The following HPCA variants were observed in gnomAD, a reference collection of about 807,000 sequenced individuals.
HPCA encodes the protein hippocalcin.
A neutral mutation model predicts 18.2 loss-of-function variants in HPCA; 4 were observed. That is an observed-to-expected ratio of 0.22 (90% CI 0.11 to 0.50). The LOEUF (loss-of-function observed/expected upper bound fraction) is 0.50. HPCA is among the 20% of genes least tolerant of loss of function. The pLI, the probability that HPCA is intolerant of heterozygous loss-of-function variation, is 0.97. For missense variants in HPCA, 161 were observed against 265.8 expected (o/e 0.61, Z 2.74); for synonymous variants, 93 against 103.5 (o/e 0.90, Z 0.61).
rs1641421295 is a variant in HPCA at position 32,889,408 on chromosome 1, A to G, written c.378+132A>G. ...ATATTCTTGCAATCCCATTTTAAAA[A>G]TTGTTTTTAGGAAATATTTCCCATT... On this transcript the variant is annotated intron_variant, in intron 2 of 3. Transcript: ENST00000373467. This position sits in a 1 kb window ranked among gnomAD's most constrained non-coding sequence, Gnocchi z 4.6. The G allele has an allele frequency of 2.8e-6, 3 of 1,089,256 alleles. No individual in the cohort carries two copies. The highest frequency in any genetic ancestry group is 2.2e-4 in the Middle Eastern group (1 of 4,478). The allele number at this position is 1,089,256 out of a possible 1,614,324, so 67.5% of individuals were successfully genotyped here.
At chr1:32,888,671 C>T (rs971784746) in intron 1 of HPCA, among the ~76,000 whole-genome samples, 22 of 152,174 alleles carry the variant, frequency 1.4e-4, no homozygotes, top group African/African-American at 4.3e-4. Context: ...CCCAGGAAAG[C>T]GTATGGTCCA....
Position 32,893,488 on chromosome 1 carries a change from G to A in HPCA, c.379-36G>A. On this transcript the variant is annotated intron_variant, in intron 2 of 3. Coordinates refer to ENST00000373467, the MANE Select transcript of HPCA (RefSeq NM_002143.3). This position sits in a 1 kb window ranked among gnomAD's most constrained non-coding sequence, Gnocchi z 7.5. Reference sequence around the variant, plus strand: ...ATCTTGCGGGTGGGGGCTCGGGCAGGCTCCTCTCACTCCCCGCCTCCCCTC... The same window carrying A: ...ATCTTGCGGGTGGGGGCTCGGGCAGACTCCTCTCACTCCCCGCCTCCCCTC... 1 of 1,460,880 alleles carries A rather than the reference G, an allele frequency of 6.8e-7. No homozygotes were observed. Among genetic ancestry groups the A allele is most frequent in the Non-Finnish European group, 9.6e-7 (1 of 1,044,288 alleles). 90.5% of individuals were successfully genotyped at this position (1,460,880 alleles called of 1,614,324 possible).
chr1:32,887,763 G>A lies in HPCA; in HGVS notation c.-21-1115G>A, dbSNP rs553646298. On this transcript the variant is annotated intron_variant, in intron 1 of 3. Transcript: ENST00000373467. Reference sequence around the variant, plus strand: ...GGCCATGTGAGAGGTGTCGGCATGCGAGTTGGCGTGTGATGGCATGTGTGA... The same window carrying A: ...GGCCATGTGAGAGGTGTCGGCATGCAAGTTGGCGTGTGATGGCATGTGTGA... 3.9e-5 allele frequency among the ~76,000 whole-genome samples: 6 copies of A among 152,320 alleles called. No homozygotes were observed. In the East Asian group the frequency reaches 1.2e-3, roughly 29 times the overall value.
chr1:32,890,851 A>G (rs1641442091), intron 2 of HPCA, among the ~76,000 whole-genome samples: 1 of 152,096 alleles, frequency 6.6e-6, no homozygotes, highest in Non-Finnish European at 1.5e-5. Flanking sequence ...CCCCATACCT[A>G]TGGCTAGAGA....
Position 32,889,140 on chromosome 1 carries a change from A to T in HPCA, c.242A>T (p.Asp81Val). ...TFDTNSDGTI[D>V]FREFIIALSV... The stretch of plus-strand genomic sequence containing the variant: ...GACACCAACAGCGATGGCACCATAG[A>T]CTTTCGGGAGTTCATCATTGCGCTG... Residue 81 changes from aspartate to valine, a missense_variant, in exon 2 of 4, where the codon GAC becomes GTC. Coordinates refer to ENST00000373467, the MANE Select transcript of HPCA (RefSeq NM_002143.3). This position sits in a 1 kb window ranked among gnomAD's most constrained non-coding sequence, Gnocchi z 4.6. 1 of 1,614,236 alleles carries T rather than the reference A, an allele frequency of 6.2e-7. No homozygotes were observed. Among genetic ancestry groups the T allele is most frequent in the Non-Finnish European group, 8.5e-7 (1 of 1,180,034 alleles).
chr1:32,893,045 G>A lies in HPCA; in HGVS notation c.379-479G>A, dbSNP rs1396824379. On this transcript the variant is annotated intron_variant, in intron 2 of 3. Transcript: ENST00000373467. This position sits in a 1 kb window ranked among gnomAD's most constrained non-coding sequence, Gnocchi z 7.5. ...CCAGCCCGCGCCGCGCCCCCTGCCG[G>A]CAGCAGACGGCCCCGCAGCGCAGTG... is the stretch of plus-strand genomic sequence containing the variant. Among the ~76,000 whole-genome samples the A allele has an allele frequency of 2.0e-5, 3 of 151,892 alleles. No individual in the cohort carries two copies. The highest frequency in any genetic ancestry group is 7.3e-5 in the African/African-American group (3 of 41,372).
chr1:32,889,097 C>T lies in HPCA; in HGVS notation c.199C>T (p.His67Tyr). Residue 67 changes from histidine to tyrosine, a missense_variant, in exon 2 of 4, where the codon CAC becomes TAC. Coordinates refer to ENST00000373467, the MANE Select transcript of HPCA (RefSeq NM_002143.3). The surrounding 1 kb of genome is among the most constrained non-coding windows in gnomAD (Gnocchi z 4.6). ...PYGDASKFAE[H>Y]VFRTFDTNSD... ...TGGTGACGCCTCCAAGTTTGCCGAG[C>T]ACGTCTTCCGCACCTTTGACACCAA... The T allele has an allele frequency of 6.2e-7, 1 of 1,614,264 alleles. No individual in the cohort carries two copies. The highest frequency in any genetic ancestry group is 8.5e-7 in the Non-Finnish European group (1 of 1,180,048).
chr1:32,886,940 CCGAGGGTGG>C lies in HPCA; in HGVS notation c.-22+427_-22+435del, dbSNP rs1641379837. 6.6e-6 allele frequency among the ~76,000 whole-genome samples: 1 copy of C among 152,184 alleles called. No homozygotes were observed. On this transcript the variant is annotated intron_variant, in intron 1 of 3. Coordinates refer to ENST00000373467, the MANE Select transcript of HPCA (RefSeq NM_002143.3). This position sits in a 1 kb window ranked among gnomAD's most constrained non-coding sequence, Gnocchi z 7.0. The stretch of plus-strand genomic sequence containing the variant: ...CTTCTTGCAACCGGGAGGGGCAACT[CCGAGGGTGG>C]CAGGGCCCAGGGGGCACTGGAGGAG...
intron 2 of HPCA, among the ~76,000 whole-genome samples, chr1:32,892,945 G>A (rs1313242344): frequency 6.6e-6 from 1 of 152,146 alleles, no homozygotes; most frequent in Non-Finnish European, 1.5e-5. Flanking sequence ...GGCGGTCCCT[G>A]CCCGCTGCAG....
Position 32,894,023 on chromosome 1 carries a change from C to T in HPCA, c.*161C>T. 1.6e-6 allele frequency: 1 copy of T among 611,412 alleles called. No homozygotes were observed. The highest frequency in any genetic ancestry group is 2.9e-6 in the Non-Finnish European group (1 of 346,510). The allele number at this position is 611,412 out of a possible 1,614,324, so 37.9% of individuals were successfully genotyped here. On this transcript the variant is annotated 3_prime_UTR_variant, in exon 4 of 4. Transcript: ENST00000373467. ...CCGGAAAAGGGAACCCTGCGGTACC[C>T]CCAGGCCAAAGCAAGTAAGCGGTTA...
In HPCA at chr1:32,894,501, A is replaced by G. The variant is rs1206847767; in HGVS notation, c.*639A>G. 2.4e-5 allele frequency: 9 copies of G among 377,248 alleles called. No individual in the cohort carries two copies. 23.4% of individuals were successfully genotyped at this position (377,248 alleles called of 1,614,324 possible). On this transcript the variant is annotated 3_prime_UTR_variant, in exon 4 of 4. Coordinates refer to ENST00000373467, the MANE Select transcript of HPCA (RefSeq NM_002143.3). ...CAGATGCACCCAGAGCCCCATGCAC[A>G]GTGTCCTGCGTGGGAAAGAGACACG...
At position 32,894,198 on chromosome 1, in the gene HPCA, G is replaced by C. The variant is rs1349040966; in HGVS notation, c.*336G>C. On this transcript the variant is annotated 3_prime_UTR_variant, in exon 4 of 4. Transcript: ENST00000373467. The stretch of plus-strand genomic sequence containing the variant: ...CTTGCAGGTCTCAGCTTGCGGGGTG[G>C]GGGGAGTCATGCCCAGGGGAGGAGA... 2 of 319,754 alleles carry C rather than the reference G, an allele frequency of 6.3e-6. No individual in the cohort carries two copies. The highest frequency in any genetic ancestry group is 1.3e-4 in the South Asian group (2 of 15,624). The allele number at this position is 319,754 out of a possible 1,614,324, so 19.8% of individuals were successfully genotyped here.
At chr1:32,891,987 G>A (rs1361264766) in intron 2 of HPCA, among the ~76,000 whole-genome samples, 1 of 152,224 alleles carries the variant, frequency 6.6e-6, no homozygotes, top group East Asian at 1.9e-4. Flanking sequence ...TGGGGATCAT[G>A]ATACCTGTTT....
At position 32,889,314 on chromosome 1, in the gene HPCA, C is replaced by T. The variant is rs1641420371; in HGVS notation, c.378+38C>T. On this transcript the variant is annotated intron_variant, in intron 2 of 3. Coordinates refer to ENST00000373467, the MANE Select transcript of HPCA (RefSeq NM_002143.3). The surrounding 1 kb of genome is among the most constrained non-coding windows in gnomAD (Gnocchi z 4.6). ...GCCCCTCAGAATGCCAGGCACAGGG[C>T]CCGGCAGCTTGCACCCACCACCCCT... 2 of 1,573,742 alleles carry T rather than the reference C, an allele frequency of 1.3e-6. No individual in the cohort carries two copies. The highest frequency in any genetic ancestry group is 1.8e-5 in the Admixed American group (1 of 55,252).
At chr1:32,892,992 CCCTCTGGGCCCAGCTG>C (rs1205123455) in intron 2 of HPCA, among the ~76,000 whole-genome samples, 2 of 152,122 alleles carry the variant, frequency 1.3e-5, no homozygotes, top group African/African-American at 4.8e-5. Flanking sequence ...TGTTCCCCGC[CCCTCTGGGCCCAGCTG>C]CCTCTGGCCC....
chr1:32,887,675 C>T (rs1426654989), intron 1 of HPCA, among the ~76,000 whole-genome samples: 2 of 152,128 alleles, frequency 1.3e-5, no homozygotes, highest in Non-Finnish European at 2.9e-5. Flanking sequence ...GGCAGCACCC[C>T]TGGGAAAACA....
At chr1:32,890,310 C>T (rs181380973) in intron 2 of HPCA, among the ~76,000 whole-genome samples, 25 of 152,280 alleles carry the variant, frequency 1.6e-4, no homozygotes, top group African/African-American at 4.3e-4. Context: ...ATTTAAGGAC[C>T]GGATATAAAT....
Position 32,893,722 on chromosome 1 carries a change from G to C in HPCA, c.485-43G>C. ...TTTCCCGCTCCGCCTCCCCTCGCTA[G>C]GCTGCCGCCTCCTCCCCCATCACCG... On this transcript the variant is annotated intron_variant, in intron 3 of 3. Transcript: ENST00000373467. The surrounding 1 kb of genome is among the most constrained non-coding windows in gnomAD (Gnocchi z 7.5). 3.6e-6 allele frequency: 5 copies of C among 1,399,624 alleles called. No homozygotes were observed. The highest frequency in any genetic ancestry group is 2.0e-5 in the Admixed American group (1 of 50,084). 86.7% of individuals were successfully genotyped at this position (1,399,624 alleles called of 1,614,324 possible). A position where few individuals can be genotyped will look rare whatever the true frequency, so the allele number is the denominator to read the frequency against.
In HPCA at chr1:32,889,030, T is replaced by C; in HGVS notation, c.132T>C (p.Asn44=). Residue 44 remains asparagine (N), a synonymous_variant, in exon 2 of 4, where the codon AAT becomes AAC. Coordinates refer to ENST00000373467, the MANE Select transcript of HPCA (RefSeq NM_002143.3). The surrounding 1 kb of genome is among the most constrained non-coding windows in gnomAD (Gnocchi z 4.6). ...AGGACTGCCCCACAGGAATCCTCAATGTGGATGAGTTCAAGAAGATCTACG... is the reference window on the plus strand; with the variant it reads ...AGGACTGCCCCACAGGAATCCTCAACGTGGATGAGTTCAAGAAGATCTACG... ...FLKDCPTGIL[N]VDEFKKIYAN... The C allele has an allele frequency of 6.2e-7, 1 of 1,614,166 alleles. No homozygotes were observed. The highest frequency in any genetic ancestry group is 8.5e-7 in the Non-Finnish European group (1 of 1,180,028).
Sources: gnomAD v4.1 joint callset for allele counts (sites outside exome capture counted in the v4.1 genomes callset) on GRCh38, gnomAD v4.1.1 for gene constraint, Gnocchi (gnomAD v3.1) non-coding constraint, MANE v1.5 for transcripts, NCBI Gene and HGNC (gene_info 2026-07-23, HGNC 2026-07-21) for gene names.